The following RAB3GAP1 variants were observed in gnomAD, a reference collection of about 807,000 sequenced individuals.
RAB3GAP1 encodes the protein RAB3 GTPase activating protein catalytic subunit 1.
Under a neutral mutation model 130.7 loss-of-function variants are expected in RAB3GAP1, and 86 were observed. That is an observed-to-expected ratio of 0.66 (90% CI 0.55 to 0.79). The LOEUF (loss-of-function observed/expected upper bound fraction) is 0.79. Among genes scored for constraint, RAB3GAP1 ranks in the 30% least tolerant of loss-of-function variants. The pLI is 0.00. For missense variants in RAB3GAP1, 1,029 were observed against 1,169.4 expected, an observed-to-expected ratio of 0.88 and a Z score of 1.75; for synonymous variants, 367 against 401.7, an observed-to-expected ratio of 0.91 and a Z score of 1.03.
At chr2:135,059,944 T>A (rs1689119499) in intron 3 of RAB3GAP1, among the ~76,000 whole-genome samples, 1 of 152,166 alleles carries the variant, frequency 6.6e-6, no homozygotes, top group Non-Finnish European at 1.5e-5. Context: ...AAACAAAGTT[T>A]AGAGACTTCC....
Position 135,097,178 on chromosome 2 carries a change from C to G in RAB3GAP1, c.362+3485C>G, listed in dbSNP as rs1690321460. ...CTGCCAAAAAAAAAGCCCTATTGTCCCTTTTGTCTCTTAGTAAGCATAGGC... is the reference window on the plus strand; with the variant it reads ...CTGCCAAAAAAAAAGCCCTATTGTCGCTTTTGTCTCTTAGTAAGCATAGGC... On this transcript the variant is annotated intron_variant, in intron 5 of 23. Coordinates refer to ENST00000264158, the MANE Select transcript of RAB3GAP1 (RefSeq NM_012233.3). Among the ~76,000 whole-genome samples, 4 of 151,218 alleles carry G rather than the reference C, an allele frequency of 2.6e-5. No individual in the cohort carries two copies. The South Asian group carries it at 8.4e-4, about 32-fold the overall frequency.
At chr2:135,067,716 C>A (rs751935505) in intron 3 of RAB3GAP1, among the ~76,000 whole-genome samples, 2 of 152,048 alleles carry the variant, frequency 1.3e-5, no homozygotes, top group African/African-American at 4.8e-5. Context: ...ATTGTTTTTG[C>A]CTTTCTGTCT....
intron 18 of RAB3GAP1, among the ~76,000 whole-genome samples, chr2:135,152,167 A>T (rs1348222208): frequency 6.6e-6 from 1 of 152,232 alleles, no homozygotes; most frequent in African/African-American, 2.4e-5. Flanking sequence ...TTGTATAGGG[A>T]TGAGTTAGGG....
intron 19 of RAB3GAP1, among the ~76,000 whole-genome samples, chr2:135,161,580 T>TA (rs1273542205): frequency 6.6e-6 from 1 of 152,196 alleles, no homozygotes; most frequent in African/African-American, 2.4e-5. Context: ...AAAAGCCTGG[T>TA]AACATTCTGT....
chr2:135,058,064 CT>C lies in RAB3GAP1; in HGVS notation c.131del (p.Leu44TrpfsTer50), dbSNP rs761404856. 4.3e-6 allele frequency: 7 copies of C among 1,612,838 alleles called. No individual in the cohort carries two copies. In the South Asian group the frequency reaches 7.7e-5, roughly 18 times the overall value. On this transcript the variant is annotated frameshift_variant, in exon 3 of 24. Coordinates refer to ENST00000264158, the MANE Select transcript of RAB3GAP1 (RefSeq NM_012233.3). LOFTEE classifies it high-confidence loss of function. ...AATGACTGGAAACTGATTGGAAACT[CT>C]TTGGGAAAGCCACTCGAAAAGGTCA... Reference protein sequence around the residue: ...VLNDWKLIGNSLGKPLEKGIF... With the variant: ...VLNDWKLIGNXLGKPLEKGIF...
chr2:135,096,368 T>C (rs1442886512), intron 5 of RAB3GAP1, among the ~76,000 whole-genome samples: 1 of 152,230 alleles, frequency 6.6e-6, no homozygotes, highest in African/African-American at 2.4e-5. Context: ...GCAAATAGGC[T>C]GTGTAGCACT....
chr2:135,090,872 GT>G (rs1168878224), intron 3 of RAB3GAP1, 125 bp from the exon 4 acceptor site: 3 of 766,532 alleles, frequency 3.9e-6, no homozygotes, highest in Non-Finnish European at 6.3e-6. Flanking sequence ...TCACTTTTAT[GT>G]TTTTCTTTGA....
chr2:135,097,241 A>G (rs1225167063), intron 5 of RAB3GAP1, among the ~76,000 whole-genome samples: 1 of 148,664 alleles, frequency 6.7e-6, no homozygotes, highest in Admixed American at 6.7e-5. Context: ...TTAAAGAGAC[A>G]GGTCTTACTC....
intron 11 of RAB3GAP1, 144 bp from the exon 12 acceptor site, chr2:135,129,851 G>GT (rs1691478824): frequency 9.5e-6 from 6 of 634,598 alleles, no homozygotes; most frequent in South Asian, 5.7e-5. Flanking sequence ...ATTAATTTTT[G>GT]TTTTTTTCAA....
chr2:135,121,143 CT>C (rs1409506410), intron 8 of RAB3GAP1, among the ~76,000 whole-genome samples: 2 of 152,138 alleles, frequency 1.3e-5, no homozygotes, highest in East Asian at 3.9e-4. Flanking sequence ...GACAATCTGT[CT>C]TTGAAAGCCT....
Position 135,113,188 on chromosome 2 carries a change from G to C in RAB3GAP1, c.400G>C (p.Ala134Pro), listed in dbSNP as rs1242613765. 1.2e-6 allele frequency: 2 copies of C among 1,614,096 alleles called. No homozygotes were observed. The highest frequency in any genetic ancestry group is 1.7e-5 in the Admixed American group (1 of 60,026). The change falls in exon 6 of 24, where the codon GCA (alanine) becomes CCA (proline). Residue 134 changes from alanine to proline, a missense_variant. Physicochemically the swap from Ala to Pro is conservative, Grantham distance 27 (BLOSUM62 -1). Transcript: ENST00000264158. ...TGAGTTCGTGGTGATTGCCCCTGCTGCACACAGTGACGCTGTTCTCAGCGA... is the reference window on the plus strand; with the variant it reads ...TGAGTTCGTGGTGATTGCCCCTGCTCCACACAGTGACGCTGTTCTCAGCGA... ...LREFVVIAPAAHSDAVLSESK... is the reference protein window; with the variant it reads ...LREFVVIAPAPHSDAVLSESK...
intron 3 of RAB3GAP1, among the ~76,000 whole-genome samples, chr2:135,086,526 C>T (rs1689987653): frequency 6.6e-6 from 1 of 151,908 alleles, no homozygotes; most frequent in Admixed American, 6.6e-5. Flanking sequence ...ATTCATAGCG[C>T]TTTCTGCTGT....
At chr2:135,061,879 T>C (rs1689180238) in intron 3 of RAB3GAP1, among the ~76,000 whole-genome samples, 1 of 152,200 alleles carries the variant, frequency 6.6e-6, no homozygotes, top group Non-Finnish European at 1.5e-5. Flanking sequence ...ATGGATATCC[T>C]GTTGTTCTAG....
intron 10 of RAB3GAP1, 45 bp from the exon 11 acceptor site, chr2:135,126,538 A>C (rs1248316835): frequency 6.7e-7 from 1 of 1,488,348 alleles, no homozygotes; most frequent in Admixed American, 1.7e-5. Flanking sequence ...TGAATCTTGC[A>C]GATTGTCATA....
intron 5 of RAB3GAP1, among the ~76,000 whole-genome samples, chr2:135,105,821 G>A (rs539573989): frequency 0.042 from 6,309 of 151,874 alleles, 152 homozygotes; most frequent in African/African-American, 0.055. Context: ...CGTCTGAGAT[G>A]TGGGGAGCGC....
In RAB3GAP1 at chr2:135,105,301, G is replaced by A. The variant is rs536692642; in HGVS notation, c.363-7850G>A. Among the ~76,000 whole-genome samples the A allele has an allele frequency of 4.1e-5, 6 of 147,776 alleles. No homozygotes were observed. In the East Asian group the frequency reaches 1.2e-3, roughly 31 times the overall value. On this transcript the variant is annotated intron_variant, in intron 5 of 23. Coordinates refer to ENST00000264158, the MANE Select transcript of RAB3GAP1 (RefSeq NM_012233.3). The stretch of plus-strand genomic sequence containing the variant: ...TGCCAAGCCGAACCTGGACTGTACT[G>A]CCGCCATCTCGGCTCACTGCAACCT...
In RAB3GAP1 at chr2:135,169,094, G is replaced by T. The variant is rs139040603; in HGVS notation, c.*313G>T. The T allele has an allele frequency of 4.7e-4, 203 of 435,026 alleles. No individual in the cohort carries two copies. Among genetic ancestry groups the T allele is most frequent in the African/African-American group, 3.8e-3 (190 of 49,860 alleles). 26.9% of individuals were successfully genotyped at this position (435,026 alleles called of 1,614,324 possible). ...TCACACTGGCAGGACGGTGTTCATC[G>T]CATTCTCTTCTGTGACCAGCCTCTA... On this transcript the variant is annotated 3_prime_UTR_variant, in exon 24 of 24. Coordinates refer to ENST00000264158, the MANE Select transcript of RAB3GAP1 (RefSeq NM_012233.3).
chr2:135,161,396 AAAG>A (rs1692460376), intron 19 of RAB3GAP1, among the ~76,000 whole-genome samples: 1 of 152,214 alleles, frequency 6.6e-6, no homozygotes, highest in African/African-American at 2.4e-5. Context: ...TGAATGAAAA[AAAG>A]CAAGTCACTG....
At position 135,150,373 on chromosome 2, in the gene RAB3GAP1, C is replaced by A. The variant is rs753049129; in HGVS notation, c.1928C>A (p.Pro643Gln). The A allele has an allele frequency of 6.2e-7, 1 of 1,614,146 alleles. No homozygotes were observed. The highest frequency in any genetic ancestry group is 1.1e-5 in the South Asian group (1 of 91,084). ...TTGTCCTTTTGTGCTTCACAGGAAC[C>A]AGCACCTATGACAGAAGATCTGCTA... is the stretch of plus-strand genomic sequence containing the variant. ...EPLYIPVTQEPAPMTEDLLEE... is the reference protein window; with the variant it reads ...EPLYIPVTQEQAPMTEDLLEE... Residue 643 changes from proline (P) to glutamine (Q), a missense_variant, in exon 18 of 24, where the codon CCA (proline) becomes CAA (glutamine). Coordinates refer to ENST00000264158, the MANE Select transcript of RAB3GAP1 (RefSeq NM_012233.3).
Sources: allele counts gnomAD v4.1 joint callset (sites outside exome capture counted in the v4.1 genomes callset), GRCh38; gene constraint gnomAD v4.1.1; transcripts MANE v1.5; gene names NCBI Gene and HGNC (gene_info 2026-07-23, HGNC 2026-07-21).